PID1: variants seen among roughly 807,000 people sequenced by gnomAD.
PID1 encodes the protein phosphotyrosine interaction domain containing 1.
Under a neutral mutation model 19.1 loss-of-function variants are expected in PID1, and 10 were observed. The observed-to-expected ratio is 0.52, with a 90% CI of 0.32 to 0.89. The LOEUF (loss-of-function observed/expected upper bound fraction) is 0.89. PID1 is among the 40% of genes least tolerant of loss of function. PID1 has a pLI of 0.03. For missense variants in PID1, 248 were observed against 285.3 expected (o/e 0.87, Z 0.94); for synonymous variants, 130 against 116.0 (o/e 1.12, Z -0.78).
rs912184311 is a variant in PID1 at position 229,080,141 on chromosome 2, A to T, written c.178-54033T>A. 2.6e-5 allele frequency among the ~76,000 whole-genome samples: 4 copies of T among 152,162 alleles called. No homozygotes were observed. In the East Asian group the frequency reaches 5.8e-4, roughly 22 times the overall value. On this transcript the variant is annotated intron_variant, in intron 2 of 2. Transcript: ENST00000392055. ...CCTGGCCAGGAGGAGACATGGGTAAAACTTGTCTTCCATGGTTCATGTGAA... is the reference window on the plus strand; with the variant it reads ...CCTGGCCAGGAGGAGACATGGGTAATACTTGTCTTCCATGGTTCATGTGAA...
intron 1 of PID1, among the ~76,000 whole-genome samples, chr2:229,208,522 C>G (rs563954668): frequency 2.2e-4 from 34 of 152,282 alleles, no homozygotes; most frequent in African/African-American, 7.5e-4. Context: ...CAAAAGGCAG[C>G]CACATTTTTA....
intron 1 of PID1, among the ~76,000 whole-genome samples, chr2:229,251,944 T>TAAAAAAAAAAAAAAAAGA (rs1690162517): frequency 1.4e-5 from 1 of 71,474 alleles, no homozygotes; most frequent in Non-Finnish European, 2.9e-5. Context: ...AACCATAAGC[T>TAAAAAAAAAAAAAAAAGA]AAAAAAAAAA....
At chr2:229,097,049 C>T (rs1406125115) in intron 2 of PID1, among the ~76,000 whole-genome samples, 3 of 152,082 alleles carry the variant, frequency 2.0e-5, no homozygotes, top group Non-Finnish European at 4.4e-5. Flanking sequence ...ACAAAAACAG[C>T]GATGTTTGAA....
intron 1 of PID1, among the ~76,000 whole-genome samples, chr2:229,167,568 C>A (rs1690625790): frequency 6.6e-6 from 1 of 151,984 alleles, no homozygotes. Flanking sequence ...CAGAGAATGG[C>A]AGTAGAACTG....
chr2:229,161,543 G>A (rs762766415), intron 1 of PID1, among the ~76,000 whole-genome samples: 5 of 152,166 alleles, frequency 3.3e-5, no homozygotes, highest in Admixed American at 1.3e-4. Flanking sequence ...TTACAAAGAC[G>A]TCATGAATTT....
intron 1 of PID1, chr2:229,262,945 C>T: frequency 7.1e-7 from 1 of 1,408,696 alleles, no homozygotes; most frequent in East Asian, 2.6e-5. Context: ...TTCAATATGA[C>T]CTCATCTTAA....
At chr2:229,068,210 G>C (rs553961311) in intron 2 of PID1, among the ~76,000 whole-genome samples, 1 of 152,328 alleles carries the variant, frequency 6.6e-6, no homozygotes, top group African/African-American at 2.4e-5. Flanking sequence ...GAAGGGAGCT[G>C]TGCTTGAGGG....
At chr2:229,048,845 G>A (rs780697915) in intron 2 of PID1, among the ~76,000 whole-genome samples, 15 of 152,176 alleles carry the variant, frequency 9.9e-5, no homozygotes, top group African/African-American at 1.4e-4. Context: ...TGGGTGTTAC[G>A]CAAAATCAAT....
chr2:229,072,318 G>C (rs765837852), intron 2 of PID1, among the ~76,000 whole-genome samples: 1 of 152,224 alleles, frequency 6.6e-6, no homozygotes, highest in Non-Finnish European at 1.5e-5. Flanking sequence ...GCCAGGCGTG[G>C]TGGCTCATGT....
At chr2:229,247,505 T>C (rs1221255594) in intron 1 of PID1, among the ~76,000 whole-genome samples, 3 of 152,176 alleles carry the variant, frequency 2.0e-5, no homozygotes, top group Admixed American at 6.5e-5. Context: ...AACTTGGAAA[T>C]AGCAAAACAT....
At chr2:229,133,781 C>CT (rs897577738) in intron 2 of PID1, among the ~76,000 whole-genome samples, 1 of 149,708 alleles carries the variant, frequency 6.7e-6, no homozygotes, top group Non-Finnish European at 1.5e-5. Flanking sequence ...TTTTTTTTTT[C>CT]TTTTTTTAAT....
intron 2 of PID1, among the ~76,000 whole-genome samples, chr2:229,126,317 T>G (rs1377503289): frequency 6.6e-6 from 1 of 151,968 alleles, no homozygotes; most frequent in Admixed American, 6.6e-5. Flanking sequence ...CCCATTGTGC[T>G]ACACAAAAAA....
intron 1 of PID1, among the ~76,000 whole-genome samples, chr2:229,167,165 T>A (rs1690615897): frequency 6.6e-6 from 1 of 152,116 alleles, no homozygotes; most frequent in African/African-American, 2.4e-5. Flanking sequence ...AGTTACCATA[T>A]TGCAAACACT....
Position 229,025,820 on chromosome 2 carries a change from C to A in PID1, c.466G>T (p.Asp156Tyr). The A allele has an allele frequency of 6.2e-7, 1 of 1,614,218 alleles. No individual in the cohort carries two copies. Among genetic ancestry groups the A allele is most frequent in the Non-Finnish European group, 8.5e-7 (1 of 1,180,040 alleles). Residue 156 changes from aspartate (D) to tyrosine (Y), a missense_variant, in exon 3 of 3, where the codon GAT becomes TAT. Transcript: ENST00000392055. ...IFAWVYREIN[D>Y]DLSYQMDCHA... is the part of the protein sequence containing the mutation. ...CAGTCCATCTGGTAGGACAGGTCAT[C>A]ATTGATCTCCCTGTAGACCCAGGCG...
chr2:229,185,225 T>C, intron 1 of PID1, among the ~76,000 whole-genome samples: 1 of 151,728 alleles, frequency 6.6e-6, no homozygotes, highest in South Asian at 2.1e-4. Context: ...ATCCTATCTC[T>C]GAAAACACTT....
intron 1 of PID1, chr2:229,262,674 ATC>A: frequency 6.4e-7 from 1 of 1,550,772 alleles, no homozygotes; most frequent in Non-Finnish European, 8.7e-7. Context: ...CAGAAATTTA[ATC>A]TCTCACCATT....
At chr2:229,139,722 T>C (rs1436209311) in intron 2 of PID1, among the ~76,000 whole-genome samples, 1 of 152,166 alleles carries the variant, frequency 6.6e-6, no homozygotes, top group Non-Finnish European at 1.5e-5. Flanking sequence ...ACAAGCTACA[T>C]TTCATTTTAA....
At chr2:229,050,435 T>G (rs1270291593) in intron 2 of PID1, among the ~76,000 whole-genome samples, 2 of 152,220 alleles carry the variant, frequency 1.3e-5, no homozygotes, top group African/African-American at 4.8e-5. Context: ...AAACAGACGC[T>G]ACACATCTGG....
At chr2:229,107,593 G>T (rs1455485103) in intron 2 of PID1, among the ~76,000 whole-genome samples, 2 of 151,598 alleles carry the variant, frequency 1.3e-5, no homozygotes, top group Non-Finnish European at 2.9e-5. Context: ...ACTACAAAAA[G>T]GTCCTTCAAA....
Sources: gnomAD v4.1 joint callset for allele counts (sites outside exome capture counted in the v4.1 genomes callset) on GRCh38, gnomAD v4.1.1 for gene constraint, MANE v1.5 for transcripts, NCBI Gene and HGNC (gene_info 2026-07-23, HGNC 2026-07-21) for gene names.